Variants in TINAG observed in about 807,000 individuals in gnomAD.
The protein encoded by TINAG is tubulointerstitial nephritis antigen.
A neutral mutation model predicts 72.7 loss-of-function variants in TINAG; 83 were observed. That is an observed-to-expected ratio of 1.14 (90% CI 0.96 to 1.37). TINAG has a LOEUF of 1.37. TINAG is among the 40% of genes most tolerant of loss of function. The probability of loss-of-function intolerance (pLI) is 0.00; values close to 1 mark genes in which losing one functional copy is unlikely to be tolerated. For missense variants in TINAG, 685 were observed against 576.6 expected (o/e 1.19, Z -1.93); for synonymous variants, 234 against 189.9 (o/e 1.23, Z -1.91).
At position 54,343,316 on chromosome 6, in the gene TINAG, A is replaced by C. The variant is rs1785044690; in HGVS notation, c.715A>C (p.Asn239His). ...GWTHGPLDQK[N>H]CAASWAFSTA... ...GACTCATGGCCCATTGGATCAAAAA[A>C]ATTGTGCTGCATCCTGGGCATTTTC... is the stretch of plus-strand genomic sequence containing the variant. The change falls in exon 5 of 11, where the codon AAT (asparagine) becomes CAT (histidine). Residue 239 changes from asparagine to histidine, a missense_variant. By Grantham distance (68) the Asn-to-His change is moderately conservative. Coordinates refer to ENST00000259782, the MANE Select transcript of TINAG (RefSeq NM_014464.4). 1.9e-6 allele frequency: 3 copies of C among 1,567,028 alleles called. No homozygotes were observed. The highest frequency in any genetic ancestry group is 1.8e-5 in the Admixed American group (1 of 56,732).
intron 6 of TINAG, among the ~76,000 whole-genome samples, chr6:54,347,834 T>G (rs1456946057): frequency 6.6e-6 from 1 of 152,098 alleles, no homozygotes; most frequent in African/African-American, 2.4e-5. Context: ...AATAAAATAA[T>G]CAGGGTTGCT....
rs560133739 is a variant in TINAG, at chr6:54,309,941, C to T, written c.355+1036C>T. On this transcript the variant is annotated intron_variant, in intron 1 of 10. Coordinates refer to ENST00000259782, the MANE Select transcript of TINAG (RefSeq NM_014464.4). ...AAATGTCTCTTTATGTGTCTACATACGTATTATTTTAAATTTTCCACATAA... is the reference window on the plus strand; with the variant it reads ...AAATGTCTCTTTATGTGTCTACATATGTATTATTTTAAATTTTCCACATAA... 3.9e-4 allele frequency among the ~76,000 whole-genome samples: 60 copies of T among 151,908 alleles called. 1 individual carries two copies. In the South Asian group the frequency reaches 0.012, roughly 29 times the overall value.
chr6:54,318,245 A>G (rs988000982), intron 1 of TINAG, among the ~76,000 whole-genome samples: 14 of 152,094 alleles, frequency 9.2e-5, no homozygotes, highest in Admixed American at 7.2e-4. Context: ...TCTTTTATAA[A>G]CTGCTGTCTA....
intron 1 of TINAG, among the ~76,000 whole-genome samples, chr6:54,314,075 T>G (rs566728883): frequency 6.6e-6 from 1 of 152,292 alleles, no homozygotes; most frequent in South Asian, 2.1e-4. Flanking sequence ...TCGTGTGACT[T>G]GTATGCCACA....
At chr6:54,339,723 T>G (rs2150951985) in intron 4 of TINAG, among the ~76,000 whole-genome samples, 1 of 152,336 alleles carries the variant, frequency 6.6e-6, no homozygotes, top group South Asian at 2.1e-4. Flanking sequence ...ATTTAGCCAT[T>G]AGCAACTAGA....
chr6:54,345,409 T>C (rs1785096901), intron 5 of TINAG, among the ~76,000 whole-genome samples: 2 of 152,104 alleles, frequency 1.3e-5, no homozygotes, highest in Non-Finnish European at 1.5e-5. Flanking sequence ...AAGCCTCCAG[T>C]ATTATAAACG....
At chr6:54,382,528 G>A (rs916803191) in intron 10 of TINAG, among the ~76,000 whole-genome samples, 5 of 151,998 alleles carry the variant, frequency 3.3e-5, no homozygotes, top group Admixed American at 3.3e-4. Context: ...AAGTACTGTT[G>A]TACTGTTTTG....
chr6:54,382,733 G>C (rs78430503), intron 10 of TINAG, among the ~76,000 whole-genome samples: 77 of 152,158 alleles, frequency 5.1e-4, no homozygotes, highest in African/African-American at 1.8e-3. Context: ...ACAGTGATGT[G>C]ATAAGAACCA....
upstream of TINAG, chr6:54,308,091 TGCAG>T (rs1248952116): frequency 6.5e-7 from 1 of 1,549,840 alleles, no homozygotes; most frequent in African/African-American, 1.4e-5. Flanking sequence ...TTCGTTTCAA[TGCAG>T]GCAGGTGAAA....
chr6:54,371,459 TG>T (rs1345796071), intron 9 of TINAG, among the ~76,000 whole-genome samples: 1 of 151,936 alleles, frequency 6.6e-6, no homozygotes, highest in Admixed American at 6.6e-5. Context: ...TTTATTACTC[TG>T]AATGTATTTT....
chr6:54,358,117 G>C lies in TINAG; in HGVS notation c.1250+3481G>C, dbSNP rs1283663719. 2.6e-5 allele frequency among the ~76,000 whole-genome samples: 4 copies of C among 151,840 alleles called. No individual in the cohort carries two copies. In the South Asian group the frequency reaches 8.3e-4, roughly 32 times the overall value. ...AAAATGCTCTTCTACTGTATATACA[G>C]TTCCTTAGTGTCTGTGTCTCCACCC... On this transcript the variant is annotated intron_variant, in intron 9 of 10. Coordinates refer to ENST00000259782, the MANE Select transcript of TINAG (RefSeq NM_014464.4).
chr6:54,309,731 T>C (rs1177854484), intron 1 of TINAG, among the ~76,000 whole-genome samples: 1 of 151,796 alleles, frequency 6.6e-6, no homozygotes, highest in Admixed American at 6.6e-5. Context: ...CTACCATAAA[T>C]GGGTGATGGT....
intron 8 of TINAG, among the ~76,000 whole-genome samples, chr6:54,352,813 A>AC (rs1311275931): frequency 7.3e-5 from 11 of 151,616 alleles, no homozygotes; most frequent in African/African-American, 2.7e-4. Flanking sequence ...AAATTTAAAT[A>AC]CCTTAGATTT....
At chr6:54,358,549 AAAGATT>A (rs1177657879) in intron 9 of TINAG, among the ~76,000 whole-genome samples, 1 of 151,624 alleles carries the variant, frequency 6.6e-6, no homozygotes, top group Non-Finnish European at 1.5e-5. Context: ...AAAAAAAAAA[AAAGATT>A]AGGGAGAAAT....
rs752342377 is a variant in TINAG, at chr6:54,349,811, G to A, written c.995G>A (p.Arg332Gln). ...MASRSDGRGK[R>Q]HATKPCPNNV... ...AGCAGGTCTGATGGGCGAGGAAAAC[G>A]GCATGCCACGAAGCCATGTCCCAAC... Residue 332 changes from arginine to glutamine, a missense_variant, in exon 7 of 11, where the codon CGG (arginine) becomes CAG (glutamine). Arg to Gln is a conservative substitution (Grantham distance 43, BLOSUM62 1). Transcript: ENST00000259782. 10 of 1,610,378 alleles carry A rather than the reference G, an allele frequency of 6.2e-6. No homozygotes were observed. The African/African-American group carries it at 1.3e-4, about 22-fold the overall frequency.
chr6:54,386,424 C>G (rs1421385475), intron 10 of TINAG, among the ~76,000 whole-genome samples: 1 of 152,116 alleles, frequency 6.6e-6, no homozygotes, highest in African/African-American at 2.4e-5. Context: ...TTACAGCCCT[C>G]TTCCAAGCTC....
At chr6:54,388,370 A>AAGG (rs1365308922) in intron 10 of TINAG, among the ~76,000 whole-genome samples, 2 of 152,132 alleles carry the variant, frequency 1.3e-5, no homozygotes, top group Non-Finnish European at 2.9e-5. Flanking sequence ...TGCTCCTTTA[A>AAGG]AGTATCAGGG....
chr6:54,326,390 C>T (rs180771016), intron 3 of TINAG, among the ~76,000 whole-genome samples: 1 of 151,548 alleles, frequency 6.6e-6, no homozygotes, highest in African/African-American at 2.4e-5. Flanking sequence ...TACTTTTTTA[C>T]CTTGTCAATT....
At chr6:54,353,578 TAAA>T (rs1158750189) in intron 8 of TINAG, among the ~76,000 whole-genome samples, 1 of 151,808 alleles carries the variant, frequency 6.6e-6, no homozygotes, top group East Asian at 1.9e-4. Flanking sequence ...TTAGAGTAGA[TAAA>T]GAAGTTTTAA....
Sources: gnomAD v4.1 joint callset for allele counts (sites outside exome capture counted in the v4.1 genomes callset) on GRCh38, gnomAD v4.1.1 for gene constraint, MANE v1.5 for transcripts, NCBI Gene and HGNC (gene_info 2026-07-23, HGNC 2026-07-21) for gene names.